PTPRN2: variants seen among roughly 807,000 people sequenced by gnomAD.
The protein encoded by PTPRN2 is receptor-type tyrosine-protein phosphatase N2.
A neutral mutation model predicts 118.8 loss-of-function variants in PTPRN2; 74 were observed. That is an observed-to-expected ratio of 0.62 (90% CI 0.52 to 0.76). The LOEUF is 0.76. Among genes scored for constraint, PTPRN2 ranks in the 30% least tolerant of loss-of-function variants. The pLI is 0.00. For synonymous variants in PTPRN2, 641 were observed against 608.0 expected (o/e 1.05, Z -0.80); for missense variants, 1,481 against 1,394.4 (o/e 1.06, Z -0.99).
intron 7 of PTPRN2, among the ~76,000 whole-genome samples, chr7:158,136,942 C>T (rs1225102486): frequency 6.6e-6 from 1 of 152,284 alleles, no homozygotes; most frequent in Non-Finnish European, 1.5e-5. Context: ...AATGACCTCA[C>T]CCAGCTCTGG....
At chr7:157,589,818 C>T (rs1000115924) in intron 17 of PTPRN2, among the ~76,000 whole-genome samples, 5 of 152,126 alleles carry the variant, frequency 3.3e-5, no homozygotes, top group African/African-American at 9.7e-5. Context: ...TTTTACGCAC[C>T]ACCAAGTCCA....
intron 8 of PTPRN2, among the ~76,000 whole-genome samples, chr7:158,134,421 C>A (rs921491185): frequency 6.6e-6 from 1 of 152,058 alleles, no homozygotes; most frequent in Non-Finnish European, 1.5e-5. Flanking sequence ...CCCACCCCAG[C>A]CCTCTAGAAG....
chr7:158,429,719 A>G lies in PTPRN2; in HGVS notation c.163+60016T>C, dbSNP rs1427189253. Reference sequence around the variant, plus strand: ...GGCTCAACTCAGTTTCTGGTTTTTCACTAATTCATGGCTTTTTTATTAAAT... The same window carrying G: ...GGCTCAACTCAGTTTCTGGTTTTTCGCTAATTCATGGCTTTTTTATTAAAT... On this transcript the variant is annotated intron_variant, in intron 2 of 22. Transcript: ENST00000389418. Among the ~76,000 whole-genome samples the G allele has an allele frequency of 2.0e-5, 3 of 152,342 alleles. No individual in the cohort carries two copies. In the South Asian group the frequency reaches 6.2e-4, roughly 32 times the overall value.
chr7:157,919,228 A>G (rs1388192213), intron 11 of PTPRN2, among the ~76,000 whole-genome samples: 1 of 152,242 alleles, frequency 6.6e-6, no homozygotes, highest in East Asian at 1.9e-4. Flanking sequence ...AAAATCATAA[A>G]TGTTGCATTC....
chr7:158,011,523 A>G (rs1806048942), intron 11 of PTPRN2, among the ~76,000 whole-genome samples: 1 of 152,262 alleles, frequency 6.6e-6, no homozygotes, highest in African/African-American at 2.4e-5. Context: ...CGATCACCAT[A>G]TTAAGTGGTA....
chr7:157,846,341 G>A (rs931084633), intron 12 of PTPRN2, among the ~76,000 whole-genome samples: 10 of 152,104 alleles, frequency 6.6e-5, no homozygotes, highest in Non-Finnish European at 1.3e-4. Flanking sequence ...AGAACAGTCC[G>A]TTTCTCCTTC....
In PTPRN2 at chr7:157,619,049, C is replaced by T. The variant is rs1021682465; in HGVS notation, c.2344+2313G>A. On this transcript the variant is annotated intron_variant, in intron 15 of 22. Coordinates refer to ENST00000389418, the MANE Select transcript of PTPRN2 (RefSeq NM_002847.5). The surrounding 1 kb of genome is among the most constrained non-coding windows in gnomAD (Gnocchi z 5.3). ...CCACATGTGGCCACCCTGTTGGCAC[C>T]GGCTGCTACCTGGGGAGGCTGCCTG... 4.6e-5 allele frequency among the ~76,000 whole-genome samples: 7 copies of T among 152,158 alleles called. No homozygotes were observed. The highest frequency in any genetic ancestry group is 9.6e-5 in the African/African-American group (4 of 41,512).
intron 1 of PTPRN2, among the ~76,000 whole-genome samples, chr7:158,502,544 C>G (rs1042062578): frequency 1.3e-5 from 2 of 152,196 alleles, no homozygotes; most frequent in South Asian, 4.1e-4. Flanking sequence ...CTCCTCGGGA[C>G]GCCTTCCTCC....
intron 11 of PTPRN2, among the ~76,000 whole-genome samples, chr7:157,935,014 G>A (rs1221797613): frequency 6.6e-6 from 1 of 152,220 alleles, no homozygotes; most frequent in Non-Finnish European, 1.5e-5. Flanking sequence ...AGTGAAGAAT[G>A]AAGTCAGTCC....
Position 157,629,907 on chromosome 7 carries a change from C to G in PTPRN2, c.2197-8398G>C, listed in dbSNP as rs1028542562. On this transcript the variant is annotated intron_variant, in intron 14 of 22. Coordinates refer to ENST00000389418, the MANE Select transcript of PTPRN2 (RefSeq NM_002847.5). The surrounding 1 kb of genome is among the most constrained non-coding windows in gnomAD (Gnocchi z 4.4). ...AGACCACAGGTTTGTGTGTTGAAGTCACAAGTTAGAGTAATGCTTTTAAAA... is the reference window on the plus strand; with the variant it reads ...AGACCACAGGTTTGTGTGTTGAAGTGACAAGTTAGAGTAATGCTTTTAAAA... 6.6e-6 allele frequency among the ~76,000 whole-genome samples: 1 copy of G among 152,216 alleles called. No homozygotes were observed. The highest frequency in any genetic ancestry group is 2.4e-5 in the African/African-American group (1 of 41,454).
chr7:158,485,400 T>TCTCTGCGCCCCTCCTGCTCGGCCACCC (rs1820939512), intron 2 of PTPRN2, among the ~76,000 whole-genome samples: 1 of 48,352 alleles, frequency 2.1e-5, no homozygotes, highest in Admixed American at 3.1e-4. Context: ...CGGCCACCCC[T>TCTCTGCGCCCCTCCTGCTCGGCCACCC]CTCTGCGCCC....
In PTPRN2 at chr7:158,468,492, G is replaced by C. The variant is rs549654419; in HGVS notation, c.163+21243C>G. ...TCCCGCCCCCACCCCGCCCCTCGCC[G>C]CCCTCAGCTGACATTCTGATTCACT... On this transcript the variant is annotated intron_variant, in intron 2 of 22. Transcript: ENST00000389418. Among the ~76,000 whole-genome samples, 329 of 142,422 alleles carry C rather than the reference G, an allele frequency of 2.3e-3. 1 individual carries two copies. The highest frequency in any genetic ancestry group is 6.1e-3 in the African/African-American group (239 of 39,430). The allele number at this position is 142,422 out of a possible 152,430, so 93.4% of individuals were successfully genotyped here.
chr7:157,650,801 A>G (rs962982785), intron 14 of PTPRN2, among the ~76,000 whole-genome samples: 4 of 152,230 alleles, frequency 2.6e-5, no homozygotes, highest in Admixed American at 2.6e-4. Flanking sequence ...GGTGACTTGC[A>G]GCCTTGGGCA....
At chr7:157,829,757 G>A (rs1295129437) in intron 12 of PTPRN2, among the ~76,000 whole-genome samples, 1 of 152,180 alleles carries the variant, frequency 6.6e-6, no homozygotes, top group Non-Finnish European at 1.5e-5. Flanking sequence ...CCGCATTGAA[G>A]GTCGCTCCAG....
At chr7:158,280,897 C>T (rs747140353) in intron 3 of PTPRN2, among the ~76,000 whole-genome samples, 6 of 152,300 alleles carry the variant, frequency 3.9e-5, no homozygotes, top group African/African-American at 1.2e-4. Flanking sequence ...TGTGAACAGG[C>T]GCCAGGCCCT....
At position 158,270,906 on chromosome 7, in the gene PTPRN2, C is replaced by T. The variant is rs1357236404; in HGVS notation, c.277+45913G>A. On this transcript the variant is annotated intron_variant, in intron 3 of 22. Transcript: ENST00000389418. Reference sequence around the variant, plus strand: ...TGGATGACCCCCTCCACCTGGACCACCCCCCCCACCTGGACCACCCCCCCC... The same window carrying T: ...TGGATGACCCCCTCCACCTGGACCATCCCCCCCACCTGGACCACCCCCCCC... 2.1e-4 allele frequency among the ~76,000 whole-genome samples: 10 copies of T among 46,634 alleles called. 1 individual carries two copies. The highest frequency in any genetic ancestry group is 9.1e-4 in the South Asian group (1 of 1,098). 30.6% of individuals were successfully genotyped at this position (46,634 alleles called of 152,430 possible).
chr7:157,545,449 G>A (rs921584064), intron 22 of PTPRN2, among the ~76,000 whole-genome samples: 3 of 151,704 alleles, frequency 2.0e-5, no homozygotes, highest in African/African-American at 4.9e-5. Context: ...GTGTGCAGGT[G>A]TGTGGGTGTG....
At chr7:157,810,818 G>A (rs533390757) in intron 12 of PTPRN2, among the ~76,000 whole-genome samples, 2 of 151,698 alleles carry the variant, frequency 1.3e-5, no homozygotes, top group Admixed American at 6.6e-5. Context: ...GGCTTTCCAC[G>A]GGGACGGCGG....
intron 11 of PTPRN2, among the ~76,000 whole-genome samples, chr7:157,947,309 G>A (rs1800548715): frequency 6.6e-6 from 1 of 152,212 alleles, no homozygotes; most frequent in African/African-American, 2.4e-5. Context: ...ACTGTTCTGG[G>A]ATTCTGTAGT....
Sources: allele counts gnomAD v4.1 joint callset (sites outside exome capture counted in the v4.1 genomes callset), GRCh38; gene constraint gnomAD v4.1.1; non-coding constraint Gnocchi (gnomAD v3.1); transcripts MANE v1.5; gene names NCBI Gene and HGNC (gene_info 2026-07-23, HGNC 2026-07-21).